RHOQ: variants seen among roughly 807,000 people sequenced by gnomAD.
RHOQ encodes ras homolog family member Q.
A neutral mutation model predicts 25.8 loss-of-function variants in RHOQ; 7 were observed. That is an observed-to-expected ratio of 0.27 (90% confidence interval 0.15 to 0.51). The LOEUF (loss-of-function observed/expected upper bound fraction) is 0.51. RHOQ is among the 20% of genes least tolerant of loss of function. The probability of loss-of-function intolerance (pLI) is 0.97; values close to 1 mark genes in which losing one functional copy is unlikely to be tolerated. For missense variants in RHOQ, 165 were observed against 260.6 expected (o/e 0.63, Z 2.53); for synonymous variants, 97 against 98.6 (o/e 0.98, Z 0.10).
At chr2:46,553,622 C>T (rs1032460657) in intron 2 of RHOQ, among the ~76,000 whole-genome samples, 8 of 151,996 alleles carry the variant, frequency 5.3e-5, no homozygotes, top group African/African-American at 1.9e-4. Context: ...GCTCTATCGC[C>T]CAGGCTGGAG....
chr2:46,577,388 T>C (rs1366049799), intron 4 of RHOQ, among the ~76,000 whole-genome samples: 1 of 149,592 alleles, frequency 6.7e-6, no homozygotes, highest in Non-Finnish European at 1.5e-5. Flanking sequence ...ACAGAATCCA[T>C]ATATGGTCTT....
intron 1 of RHOQ, chr2:46,543,396 A>G (rs1667904833): frequency 3.3e-6 from 2 of 598,398 alleles, no homozygotes; most frequent in Non-Finnish European, 5.8e-6. Context: ...CCCGCCCCCT[A>G]CGCGGCTCCT....
In RHOQ at chr2:46,559,525, T is replaced by C. The variant is rs1307114716; in HGVS notation, c.201+15713T>C. ...GGTCAGGGTTTCTCAGCTTCAGTACTGTTGACATTGAAGGCTGGATTGTTT... is the reference window on the plus strand; with the variant it reads ...GGTCAGGGTTTCTCAGCTTCAGTACCGTTGACATTGAAGGCTGGATTGTTT... On this transcript the variant is annotated intron_variant, in intron 2 of 4. Coordinates refer to ENST00000238738, the MANE Select transcript of RHOQ (RefSeq NM_012249.4). Among the ~76,000 whole-genome samples the C allele has an allele frequency of 4.6e-5, 7 of 152,200 alleles. No individual in the cohort carries two copies. The East Asian group carries it at 1.3e-3, about 29-fold the overall frequency.
chr2:46,557,871 TCCTATCCA>T (rs1242637957), intron 2 of RHOQ, among the ~76,000 whole-genome samples: 1 of 152,232 alleles, frequency 6.6e-6, no homozygotes, highest in South Asian at 2.1e-4. Flanking sequence ...ATCTTCCACT[TCCTATCCA>T]CCTTTCTGTA....
At position 46,584,323 on chromosome 2, in the gene RHOQ, G is replaced by A. The variant is rs747528794; in HGVS notation, c.*3240G>A. ...ACTCTTTCCTCTATTTATGCTGAGA[G>A]TCTACTAATCATTGGCAAAGTATGA... is the stretch of plus-strand genomic sequence containing the variant. On this transcript the variant is annotated 3_prime_UTR_variant, in exon 5 of 5. Transcript: ENST00000238738. 6.6e-6 allele frequency among the ~76,000 whole-genome samples: 1 copy of A among 152,074 alleles called. No homozygotes were observed. Among genetic ancestry groups the A allele is most frequent in the African/African-American group, 2.4e-5 (1 of 41,394 alleles).
rs1668266739 is a variant in RHOQ, at chr2:46,552,250, C to T, written c.201+8438C>T. ...GTTTTGTCACTTTGTCCCTAAACCACCATGCTTCCTCAAAAAGGAGCAGGC... is the reference window on the plus strand; with the variant it reads ...GTTTTGTCACTTTGTCCCTAAACCATCATGCTTCCTCAAAAAGGAGCAGGC... On this transcript the variant is annotated intron_variant, in intron 2 of 4. Coordinates refer to ENST00000238738, the MANE Select transcript of RHOQ (RefSeq NM_012249.4). The surrounding 1 kb of genome is among the most constrained non-coding windows in gnomAD (Gnocchi z 5.0). Among the ~76,000 whole-genome samples the T allele has an allele frequency of 6.6e-6, 1 of 152,318 alleles. No individual in the cohort carries two copies. Among genetic ancestry groups the T allele is most frequent in the Admixed American group, 6.5e-5 (1 of 15,302 alleles).
chr2:46,576,043 A>G lies in RHOQ; in HGVS notation c.202-44A>G. 1 of 1,531,022 alleles carries G rather than the reference A, an allele frequency of 6.5e-7. No homozygotes were observed. The highest frequency in any genetic ancestry group is 8.8e-7 in the Non-Finnish European group (1 of 1,135,770). 94.8% of individuals were successfully genotyped at this position (1,531,022 alleles called of 1,614,324 possible). ...TCTAATGTACATATTACTAGTAAACAATAGAAATGTAAATACATAATGAGG... is the reference window on the plus strand; with the variant it reads ...TCTAATGTACATATTACTAGTAAACGATAGAAATGTAAATACATAATGAGG... On this transcript the variant is annotated intron_variant, in intron 2 of 4. Coordinates refer to ENST00000238738, the MANE Select transcript of RHOQ (RefSeq NM_012249.4). The surrounding 1 kb of genome is among the most constrained non-coding windows in gnomAD (Gnocchi z 5.1).
chr2:46,560,034 G>C (rs1358624323), intron 2 of RHOQ, among the ~76,000 whole-genome samples: 1 of 152,142 alleles, frequency 6.6e-6, no homozygotes. Flanking sequence ...CATTTATCAT[G>C]ATAGGGAAGG....
At position 46,556,633 on chromosome 2, in the gene RHOQ, G is replaced by T. The variant is rs1668418647; in HGVS notation, c.201+12821G>T. Among the ~76,000 whole-genome samples the T allele has an allele frequency of 1.3e-5, 2 of 151,898 alleles. No individual in the cohort carries two copies. The highest frequency in any genetic ancestry group is 4.8e-5 in the African/African-American group (2 of 41,302). On this transcript the variant is annotated intron_variant, in intron 2 of 4. Transcript: ENST00000238738. The surrounding 1 kb of genome is among the most constrained non-coding windows in gnomAD (Gnocchi z 4.9). ...ACATATAAATATCCATTAAACATAA[G>T]AGTGAGGTGAGGAACACAAAATTCC... is the stretch of plus-strand genomic sequence containing the variant.
At chr2:46,560,606 T>A (rs1010388451) in intron 2 of RHOQ, 2 of 456,138 alleles carry the variant, frequency 4.4e-6, no homozygotes, top group Non-Finnish European at 8.8e-6. Context: ...ACGTTTTCCT[T>A]CCATACGAGA....
In RHOQ at chr2:46,566,343, C is replaced by T. The variant is rs899033199; in HGVS notation, c.202-9744C>T. On this transcript the variant is annotated intron_variant, in intron 2 of 4. Coordinates refer to ENST00000238738, the MANE Select transcript of RHOQ (RefSeq NM_012249.4). The surrounding 1 kb of genome is among the most constrained non-coding windows in gnomAD (Gnocchi z 4.2). ...CCTGCTTGACATCTCAAGCTTAACACGTCCCAAACTGTCCTCTTGAGTTCT... is the reference window on the plus strand; with the variant it reads ...CCTGCTTGACATCTCAAGCTTAACATGTCCCAAACTGTCCTCTTGAGTTCT... 1.3e-5 allele frequency among the ~76,000 whole-genome samples: 2 copies of T among 152,108 alleles called. No homozygotes were observed. The highest frequency in any genetic ancestry group is 4.8e-5 in the African/African-American group (2 of 41,404).
rs1407869467 is a variant in RHOQ at position 46,560,096 on chromosome 2, C to T, written c.202-15991C>T. 2.6e-5 allele frequency among the ~76,000 whole-genome samples: 4 copies of T among 152,164 alleles called. No homozygotes were observed. In the East Asian group the frequency reaches 5.8e-4, roughly 22 times the overall value. Reference sequence around the variant, plus strand: ...TTCCACCCTCTTGCTTGTGGCTCCGCGTTCAGTCCAGCTGCAGAAGCAGGC... The same window carrying T: ...TTCCACCCTCTTGCTTGTGGCTCCGTGTTCAGTCCAGCTGCAGAAGCAGGC... On this transcript the variant is annotated intron_variant, in intron 2 of 4. Coordinates refer to ENST00000238738, the MANE Select transcript of RHOQ (RefSeq NM_012249.4).
At position 46,576,613 on chromosome 2, in the gene RHOQ, A is replaced by T; in HGVS notation, c.419A>T (p.Glu140Val). 1 of 1,611,306 alleles carries T rather than the reference A, an allele frequency of 6.2e-7. No homozygotes were observed. Among genetic ancestry groups the T allele is most frequent in the South Asian group, 1.1e-5 (1 of 90,564 alleles). The change falls in exon 4 of 5, where the codon GAA (glutamate) becomes GTA (valine). Residue 140 changes from glutamate (E) to valine (V), a missense_variant. Transcript: ENST00000238738. The surrounding 1 kb of genome is among the most constrained non-coding windows in gnomAD (Gnocchi z 5.1). ...TTAGCAAGACTGAATGATATGAAAGAAAAACCTATATGTGTGGAACAAGGA... is the reference window on the plus strand; with the variant it reads ...TTAGCAAGACTGAATGATATGAAAGTAAAACCTATATGTGTGGAACAAGGA... ...KTLARLNDMK[E>V]KPICVEQGQK...
chr2:46,562,101 C>T (rs796959352), intron 2 of RHOQ, among the ~76,000 whole-genome samples: 18 of 152,282 alleles, frequency 1.2e-4, no homozygotes, highest in Admixed American at 4.6e-4. Flanking sequence ...ACTCACTTAT[C>T]GGCAGCACAG....
chr2:46,553,452 C>A (rs966834742), intron 2 of RHOQ, among the ~76,000 whole-genome samples: 2 of 152,176 alleles, frequency 1.3e-5, no homozygotes, highest in African/African-American at 4.8e-5. Context: ...GTATCCATCC[C>A]CTCAAGCAGT....
At chr2:46,580,475 C>T (rs1669315192) in intron 4 of RHOQ, 1 of 152,792 alleles carries the variant, frequency 6.5e-6, no homozygotes, top group Admixed American at 6.5e-5. Flanking sequence ...GCTCAAACTT[C>T]CCCATTGAGA....
chr2:46,543,548 G>A (rs542127051), intron 1 of RHOQ: 5 of 611,780 alleles, frequency 8.2e-6, no homozygotes, highest in Admixed American at 5.7e-5. Context: ...GGAGAAGGGG[G>A]TGGACGGCTG....
chr2:46,564,542 A>G (rs1668669487), intron 2 of RHOQ, among the ~76,000 whole-genome samples: 1 of 152,136 alleles, frequency 6.6e-6, no homozygotes, highest in South Asian at 2.1e-4. Context: ...GTATGCGTTT[A>G]TTTGGCCAGC....
chr2:46,561,971 G>A (rs1244337605), intron 2 of RHOQ, among the ~76,000 whole-genome samples: 3 of 152,180 alleles, frequency 2.0e-5, no homozygotes, highest in Non-Finnish European at 2.9e-5. Flanking sequence ...TCCCCTTGCT[G>A]CCAGTGTCTC....
Sources: gnomAD v4.1 joint callset for allele counts (sites outside exome capture counted in the v4.1 genomes callset) on GRCh38, gnomAD v4.1.1 for gene constraint, Gnocchi (gnomAD v3.1) non-coding constraint, MANE v1.5 for transcripts, NCBI Gene and HGNC (gene_info 2026-07-23, HGNC 2026-07-21) for gene names.